Variants in SLC9A3 observed in about 807,000 individuals in gnomAD.
SLC9A3 encodes the protein sodium/hydrogen exchanger 3.
In SLC9A3, 37 loss-of-function variants were observed where a neutral mutation model predicts 86.8. The ratio of observed to expected loss-of-function variants is 0.43; its 90% CI spans 0.33 to 0.56. SLC9A3 has a LOEUF of 0.56. Ranked by LOEUF, SLC9A3 falls within the 20% of genes least tolerant of loss-of-function variation. SLC9A3 has a pLI of 0.06. For missense variants in SLC9A3, 1,011 were observed against 1,171.9 expected, an observed-to-expected ratio of 0.86 and a Z score of 2.00; for synonymous variants, 581 against 528.3, an observed-to-expected ratio of 1.10 and a Z score of -1.37.
chr5:488,287 C>CGCTCTGGA (rs1560958497), intron 3 of SLC9A3, 29 bp downstream of exon 3: 3 of 1,609,318 alleles, frequency 1.9e-6, no homozygotes, highest in Admixed American at 3.3e-5. Flanking sequence ...ACGGCTCGCC[C>CGCTCTGGA]GCTCTGGAGC....
chr5:514,872 C>T (rs543638383), intron 1 of SLC9A3, among the ~76,000 whole-genome samples: 152 of 152,322 alleles, frequency 1.0e-3, no homozygotes, highest in Admixed American at 5.5e-3. Flanking sequence ...GCTGCCAGTG[C>T]GTCCCTGGCT....
Position 476,302 on chromosome 5 carries a change from G to A in SLC9A3, c.1967C>T (p.Thr656Ile), listed in dbSNP as rs752930361. 10 of 1,613,938 alleles carry A rather than the reference G, an allele frequency of 6.2e-6. No individual in the cohort carries two copies. In the East Asian group the frequency reaches 6.7e-5, roughly 11 times the overall value. ...GAAGGACTCCAGGCGCTTCCGCATG[G>A]TCCTGTGGAAGATTTCCCGGTCCTG... ...EKQDREIFHR[T>I]MRKRLESFKS... Residue 656 changes from threonine to isoleucine, a missense_variant, in exon 13 of 17, where the codon ACC becomes ATC. Thr to Ile is a moderately conservative substitution (Grantham distance 89). Around this residue, in one of 3 missense-constraint regions of SLC9A3, gnomAD observed 397 missense variants for 346.3 expected, o/e 1.15. Transcript: ENST00000264938.
At chr5:520,366 G>A (rs1733850300) in intron 1 of SLC9A3, among the ~76,000 whole-genome samples, 1 of 152,186 alleles carries the variant, frequency 6.6e-6, no homozygotes, top group Admixed American at 6.5e-5. Context: ...GCTCATGTGT[G>A]GCTCAGAGCT....
chr5:489,311 G>A (rs1272868241), intron 2 of SLC9A3, among the ~76,000 whole-genome samples: 1 of 152,188 alleles, frequency 6.6e-6, no homozygotes, highest in Non-Finnish European at 1.5e-5. Flanking sequence ...GGGTGTGGGA[G>A]AGACCACCCA....
chr5:498,227 C>T (rs540556136), intron 1 of SLC9A3, among the ~76,000 whole-genome samples: 2 of 152,316 alleles, frequency 1.3e-5, no homozygotes, highest in East Asian at 1.9e-4. Flanking sequence ...AACGTCCTCA[C>T]GATGAACGCC....
At chr5:485,322 T>A in intron 3 of SLC9A3, 91 bp from the exon 4 acceptor site, 1 of 997,916 alleles carries the variant, frequency 1.0e-6, no homozygotes, top group Non-Finnish European at 1.6e-6. Flanking sequence ...GGCCCGAGTG[T>A]GGAGCCCATG....
chr5:478,417 ACAC>A (rs1738906954), intron 10 of SLC9A3: 1 of 151,614 alleles, frequency 6.6e-6, no homozygotes, highest in South Asian at 2.1e-4. Context: ...GCTGCTCCCC[ACAC>A]CACTTCCCCT....
At chr5:488,531 G>A in intron 2 of SLC9A3, 55 bp from the exon 3 acceptor site, 1 of 1,449,828 alleles carries the variant, frequency 6.9e-7, no homozygotes, top group Non-Finnish European at 9.1e-7. Flanking sequence ...CCGAGGAGGA[G>A]GGCCCTGGGG....
At chr5:483,751 C>G (rs554306199) in intron 5 of SLC9A3, among the ~76,000 whole-genome samples, 1 of 152,270 alleles carries the variant, frequency 6.6e-6, no homozygotes, top group Admixed American at 6.5e-5. Context: ...AAAGTCCCTC[C>G]CCACCTGACC....
chr5:499,948 C>G (rs1202577885), intron 1 of SLC9A3, among the ~76,000 whole-genome samples: 2 of 152,358 alleles, frequency 1.3e-5, no homozygotes, highest in African/African-American at 4.8e-5. Context: ...GAACCCACAG[C>G]CCTGGGCCCC....
At chr5:508,973 G>C (rs1740751023) in intron 1 of SLC9A3, among the ~76,000 whole-genome samples, 1 of 151,918 alleles carries the variant, frequency 6.6e-6, no homozygotes. Flanking sequence ...CAGGCATGGT[G>C]GTGCTTTGCC....
intron 6 of SLC9A3, among the ~76,000 whole-genome samples, 186 bp from the exon 7 acceptor site, chr5:482,936 T>G (rs2126618659): frequency 6.6e-6 from 1 of 150,394 alleles, no homozygotes; most frequent in South Asian, 2.1e-4. Flanking sequence ...GCCTGGCGTC[T>G]CCCCCCCACG....
Position 495,392 on chromosome 5 carries a change from G to A in SLC9A3, c.212-3321C>T, listed in dbSNP as rs35710918. 2.7e-5 allele frequency among the ~76,000 whole-genome samples: 4 copies of A among 146,308 alleles called. 1 individual carries two copies. Among genetic ancestry groups the A allele is most frequent in the Admixed American group, 6.8e-5 (1 of 14,672 alleles). ...GACTCACAGTGCTCCCCGCGCCATC[G>A]CCGACCCTCCCCACGCTCCACTCCC... On this transcript the variant is annotated intron_variant, in intron 1 of 16. Coordinates refer to ENST00000264938, the MANE Select transcript of SLC9A3 (RefSeq NM_004174.4).
intron 1 of SLC9A3, among the ~76,000 whole-genome samples, chr5:500,166 G>A (rs1740195878): frequency 6.6e-6 from 1 of 152,268 alleles, no homozygotes; most frequent in Non-Finnish European, 1.5e-5. Flanking sequence ...GAAGAGAATA[G>A]AACTCGCCCC....
intron 1 of SLC9A3, among the ~76,000 whole-genome samples, chr5:502,501 G>C (rs59893065): frequency 1.3e-5 from 2 of 152,204 alleles, no homozygotes; most frequent in African/African-American, 4.8e-5. Flanking sequence ...GCAAGACACC[G>C]GTCGCAACGT....
chr5:476,847 C>G (rs1023519429), intron 11 of SLC9A3, among the ~76,000 whole-genome samples, 175 bp from the exon 12 acceptor site: 1 of 152,244 alleles, frequency 6.6e-6, no homozygotes, highest in Non-Finnish European at 1.5e-5. Context: ...CCAGCCCCTT[C>G]TCCCCTCGGG....
intron 1 of SLC9A3, among the ~76,000 whole-genome samples, chr5:512,772 C>T (rs1733595568): frequency 6.6e-6 from 1 of 152,186 alleles, no homozygotes; most frequent in African/African-American, 2.4e-5. Flanking sequence ...ACCAGGACAG[C>T]ATTCCAGGCA....
In SLC9A3 at chr5:472,517, A is replaced by C. The variant is rs1465235282; in HGVS notation, c.*862T>G. On this transcript the variant is annotated 3_prime_UTR_variant, in exon 17 of 17. Transcript: ENST00000264938. ...ACCTCCGCGCCAGGTGCGACAGCTC[A>C]GGCCGGAGACCTCGTCTGTGGGGAC... 1 of 339,622 alleles carries C rather than the reference A, an allele frequency of 2.9e-6. No homozygotes were observed. The highest frequency in any genetic ancestry group is 5.8e-6 in the Non-Finnish European group (1 of 171,690). The allele number at this position is 339,622 out of a possible 1,614,324, so 21.0% of individuals were successfully genotyped here. A position where few individuals can be genotyped will look rare whatever the true frequency, so the allele number is the denominator to read the frequency against.
intron 9 of SLC9A3, chr5:480,193 C>T: frequency 2.0e-6 from 1 of 493,340 alleles, no homozygotes; most frequent in Admixed American, 3.5e-5. Flanking sequence ...ATGCCGCCTC[C>T]TCCAGAGGGT....
Sources: gnomAD v4.1 joint callset for allele counts (sites outside exome capture counted in the v4.1 genomes callset) on GRCh38, gnomAD v4.1.1 for gene constraint, gnomAD v4.1.1 regional missense constraint, MANE v1.5 for transcripts, NCBI Gene and HGNC (gene_info 2026-07-23, HGNC 2026-07-21) for gene names.